Variants in MATCAP2 observed in about 807,000 individuals in gnomAD.
The protein encoded by MATCAP2 is microtubule associated tyrosine carboxypeptidase 2, also known as putative tyrosine carboxypeptidase MATCAP2.
At chr7:36,374,663 T>G in the MATCAP2 span, among the ~76,000 whole-genome samples, 1 of 152,286 alleles carries the variant, frequency 6.6e-6, no homozygotes, top group South Asian at 2.1e-4. Flanking sequence ...ACATTAGGTA[T>G]TTCTCCTAAT....
chr7:36,337,361 C>A, the MATCAP2 span, among the ~76,000 whole-genome samples: 1 of 151,950 alleles, frequency 6.6e-6, no homozygotes, highest in Non-Finnish European at 1.5e-5. Context: ...GGTAAGGAAT[C>A]ACAAATTATC....
chr7:36,328,614 G>C, the MATCAP2 span, among the ~76,000 whole-genome samples: 2 of 152,026 alleles, frequency 1.3e-5, no homozygotes, highest in Admixed American at 6.6e-5. Flanking sequence ...TGTGGTGGCA[G>C]GTGCCTGTAA....
chr7:36,367,057 G>A, the MATCAP2 span: 1 of 1,276,396 alleles, frequency 7.8e-7, no homozygotes, highest in Non-Finnish European at 9.8e-7. Flanking sequence ...GGCGGGAGGC[G>A]GCTCTCCGCT....
the MATCAP2 span, among the ~76,000 whole-genome samples, chr7:36,327,160 T>A: frequency 6.6e-6 from 1 of 152,112 alleles, no homozygotes; most frequent in Non-Finnish European, 1.5e-5. Context: ...TTTCCTGAGA[T>A]GGAGTTTCAT....
the MATCAP2 span, among the ~76,000 whole-genome samples, chr7:36,347,995 CAA>C: frequency 1.3e-5 from 2 of 152,098 alleles, no homozygotes; most frequent in Non-Finnish European, 2.9e-5. Flanking sequence ...AAATATTAAA[CAA>C]AAGACTCCTC....
At chr7:36,351,638 C>T in the MATCAP2 span, among the ~76,000 whole-genome samples, 12,062 of 151,976 alleles carry the variant, frequency 0.079, 636 homozygotes, top group East Asian at 0.16. Flanking sequence ...TATTAACTTC[C>T]ATTAAGGTAG....
At chr7:36,350,532 CTTTTT>C in the MATCAP2 span, among the ~76,000 whole-genome samples, 12 of 117,684 alleles carry the variant, frequency 1.0e-4, no homozygotes, top group South Asian at 3.1e-4. Context: ...GACTGTGTTC[CTTTTT>C]TTTTTTTTTT....
the MATCAP2 span, among the ~76,000 whole-genome samples, chr7:36,350,179 C>A: frequency 5.3e-5 from 8 of 152,242 alleles, no homozygotes; most frequent in African/African-American, 1.9e-4. Flanking sequence ...AGAAATTTTA[C>A]GTCAAGACAT....
At chr7:36,331,422 A>G in the MATCAP2 span, among the ~76,000 whole-genome samples, 1 of 152,180 alleles carries the variant, frequency 6.6e-6, no homozygotes, top group African/African-American at 2.4e-5. Context: ...CCGTTCAGTC[A>G]TAACTCCCAT....
the MATCAP2 span, among the ~76,000 whole-genome samples, chr7:36,366,409 T>C: frequency 6.6e-6 from 1 of 152,238 alleles, no homozygotes; most frequent in Non-Finnish European, 1.5e-5. Flanking sequence ...TGTTTTACAC[T>C]TGGTATAATC....
the MATCAP2 span, chr7:36,334,128 T>C: frequency 8.7e-6 from 14 of 1,613,842 alleles, no homozygotes; most frequent in South Asian, 1.5e-4. Flanking sequence ...CCATGGCTGC[T>C]GGAGGTTGTT....
the MATCAP2 span, among the ~76,000 whole-genome samples, chr7:36,328,542 G>A: frequency 1.8e-3 from 271 of 151,938 alleles, no homozygotes; most frequent in Non-Finnish European, 3.1e-3. Flanking sequence ...TCAGGAGTTC[G>A]AGACTAGCCT....
the MATCAP2 span, among the ~76,000 whole-genome samples, chr7:36,365,183 A>G: frequency 3.9e-5 from 6 of 152,200 alleles, no homozygotes; most frequent in African/African-American, 1.4e-4. Context: ...TATCTCTACA[A>G]TGATTGTTAT....
chr7:36,331,429 C>A, the MATCAP2 span, among the ~76,000 whole-genome samples: 1 of 152,120 alleles, frequency 6.6e-6, no homozygotes, highest in Non-Finnish European at 1.5e-5. Context: ...GTCATAACTC[C>A]CATTGTGCAC....
At chr7:36,336,324 G>A in the MATCAP2 span, 2 of 1,456,874 alleles carry the variant, frequency 1.4e-6, no homozygotes, top group East Asian at 2.5e-5. Context: ...GATAATGAAA[G>A]TAAACAGCCT....
chr7:36,349,096 A>G, the MATCAP2 span, among the ~76,000 whole-genome samples: 2 of 152,250 alleles, frequency 1.3e-5, no homozygotes, highest in Non-Finnish European at 2.9e-5. Flanking sequence ...AATACAGTTG[A>G]CCTTGGTATA....
the MATCAP2 span, among the ~76,000 whole-genome samples, chr7:36,389,551 G>C: frequency 6.6e-6 from 1 of 152,156 alleles, no homozygotes; most frequent in Non-Finnish European, 1.5e-5. Flanking sequence ...TAGGAATGAA[G>C]GAAGGCGGGA....
chr7:36,326,652 A>G, the MATCAP2 span: 1 of 1,019,002 alleles, frequency 9.8e-7, no homozygotes, highest in Non-Finnish European at 1.4e-6. Flanking sequence ...CCTTCTTCAG[A>G]AAACACAAGT....
At chr7:36,327,647 C>A in the MATCAP2 span, among the ~76,000 whole-genome samples, 7 of 152,208 alleles carry the variant, frequency 4.6e-5, no homozygotes, top group African/African-American at 1.7e-4. Flanking sequence ...CACAATTATA[C>A]AGGGTGAGCA....
Sources: gnomAD v4.1 joint callset for allele counts (sites outside exome capture counted in the v4.1 genomes callset) on GRCh38, gnomAD v4.1.1 for gene constraint, MANE v1.5 for transcripts, NCBI Gene and HGNC (gene_info 2026-07-23, HGNC 2026-07-21) for gene names.